The following PCBP3 variants were observed in gnomAD, a reference collection of about 807,000 sequenced individuals.
The protein encoded by PCBP3 is poly(rC) binding protein 3, also known as poly(rC)-binding protein 3.
In PCBP3, 25 loss-of-function variants were observed where a neutral mutation model predicts 52.7. The observed-to-expected ratio is 0.47, with a 90% CI of 0.35 to 0.66. The LOEUF is 0.66. Among genes scored for constraint, PCBP3 ranks in the 30% least tolerant of loss-of-function variants. PCBP3 has a pLI of 0.01. For synonymous variants in PCBP3, 162 were observed against 183.0 expected (o/e 0.89, Z 0.93); for missense variants, 391 against 490.3 (o/e 0.80, Z 1.91).
Position 45,736,632 on chromosome 21 carries a change from G to T in PCBP3, c.-162+1203G>T, listed in dbSNP as rs950228124. Among the ~76,000 whole-genome samples the T allele has an allele frequency of 1.3e-5, 2 of 152,154 alleles. No individual in the cohort carries two copies. The highest frequency in any genetic ancestry group is 4.8e-5 in the African/African-American group (2 of 41,418). The stretch of plus-strand genomic sequence containing the variant: ...GGAGAGATGGCATGGAGGGGTTGGG[G>T]CCTGTGCTCCTAGGTGCTTAGGCTT... On this transcript the variant is annotated intron_variant, in intron 3 of 17. Coordinates refer to ENST00000681687, the MANE Select transcript of PCBP3 (RefSeq NM_001384156.1). This position sits in a 1 kb window ranked among gnomAD's most constrained non-coding sequence, Gnocchi z 4.6.
At chr21:45,940,450 A>G (rs947753913) in intron 17 of PCBP3, among the ~76,000 whole-genome samples, 1 of 152,218 alleles carries the variant, frequency 6.6e-6, no homozygotes, top group Non-Finnish European at 1.5e-5. Flanking sequence ...CCCGGAGGCT[A>G]GAGAGGAAGG....
At chr21:45,767,840 C>T (rs1334441934) in intron 4 of PCBP3, among the ~76,000 whole-genome samples, 1 of 152,258 alleles carries the variant, frequency 6.6e-6, no homozygotes, top group Non-Finnish European at 1.5e-5. Flanking sequence ...CACTGACAGG[C>T]TCTCAGAGAG....
chr21:45,685,235 G>A (rs951698036), intron 2 of PCBP3, among the ~76,000 whole-genome samples: 1 of 152,174 alleles, frequency 6.6e-6, no homozygotes, highest in Admixed American at 6.5e-5. Context: ...GGGTTTTAAA[G>A]GTTGTGGGGA....
At chr21:45,688,336 C>T (rs1374219551) in intron 2 of PCBP3, among the ~76,000 whole-genome samples, 1 of 152,062 alleles carries the variant, frequency 6.6e-6, no homozygotes, top group Admixed American at 6.5e-5. Flanking sequence ...TTCTGACTAC[C>T]ACAAAATTAA....
At chr21:45,811,708 AT>A (rs1349102325) in intron 4 of PCBP3, among the ~76,000 whole-genome samples, 2 of 152,068 alleles carry the variant, frequency 1.3e-5, no homozygotes, top group African/African-American at 4.8e-5. Context: ...TGCATGCCAT[AT>A]TTTTTCTCAT....
At chr21:45,900,071 G>T (rs893755863) in intron 7 of PCBP3, among the ~76,000 whole-genome samples, 3 of 152,232 alleles carry the variant, frequency 2.0e-5, no homozygotes, top group African/African-American at 4.8e-5. Flanking sequence ...TGCCCCGGGA[G>T]GCCGAGCAGT....
chr21:45,723,170 G>T (rs906788429), intron 2 of PCBP3, among the ~76,000 whole-genome samples: 1 of 152,144 alleles, frequency 6.6e-6, no homozygotes, highest in Admixed American at 6.5e-5. Flanking sequence ...CAGAGAGCTG[G>T]CATGTGTTTG....
chr21:45,850,262 G>A (rs1455213460), intron 5 of PCBP3, among the ~76,000 whole-genome samples, 167 bp downstream of exon 5: 2 of 152,178 alleles, frequency 1.3e-5, no homozygotes, highest in Non-Finnish European at 2.9e-5. Flanking sequence ...TATGACTTTG[G>A]GAAATTGGGG....
chr21:45,907,827 C>T (rs1251429626), intron 9 of PCBP3, among the ~76,000 whole-genome samples: 14 of 138,484 alleles, frequency 1.0e-4, no homozygotes, highest in Admixed American at 3.1e-4. Flanking sequence ...GAGGTAGAGT[C>T]GATGGAGGAG....
intron 5 of PCBP3, among the ~76,000 whole-genome samples, chr21:45,892,223 T>A (rs1463273580): frequency 6.6e-6 from 1 of 152,120 alleles, no homozygotes; most frequent in African/African-American, 2.4e-5. Context: ...CAGGGAAGGG[T>A]GCATTTAACC....
rs543100286 is a variant in PCBP3 at position 45,864,145 on chromosome 21, C to A, written c.10+14050C>A. On this transcript the variant is annotated intron_variant, in intron 5 of 17. Coordinates refer to ENST00000681687, the MANE Select transcript of PCBP3 (RefSeq NM_001384156.1). Reference sequence around the variant, plus strand: ...TATGGGAGTGTGACTCTCACCTGTGCAAACACTGGTCACCCTTGTGGGGCC... The same window carrying A: ...TATGGGAGTGTGACTCTCACCTGTGAAAACACTGGTCACCCTTGTGGGGCC... Among the ~76,000 whole-genome samples, 56 of 152,312 alleles carry A rather than the reference C, an allele frequency of 3.7e-4. 1 individual carries two copies. The South Asian group carries it at 0.012, about 32-fold the overall frequency.
chr21:45,728,094 A>G (rs1185868430), intron 2 of PCBP3, among the ~76,000 whole-genome samples: 2 of 152,166 alleles, frequency 1.3e-5, no homozygotes, highest in Non-Finnish European at 2.9e-5. Flanking sequence ...GGTTGCACTG[A>G]ATTGATAGAT....
At chr21:45,806,004 TAG>T (rs1278792641) in intron 4 of PCBP3, among the ~76,000 whole-genome samples, 2 of 152,194 alleles carry the variant, frequency 1.3e-5, no homozygotes, top group African/African-American at 4.8e-5. Context: ...GTCTCAGCAT[TAG>T]AGAGGGCGGT....
chr21:45,756,626 C>T (rs559715208), intron 4 of PCBP3, among the ~76,000 whole-genome samples: 11 of 152,198 alleles, frequency 7.2e-5, no homozygotes, highest in African/African-American at 2.2e-4. Flanking sequence ...TATTCGCTAG[C>T]GTGTACAGCC....
intron 3 of PCBP3, among the ~76,000 whole-genome samples, chr21:45,745,896 A>G (rs945314345): frequency 6.6e-6 from 1 of 151,930 alleles, no homozygotes; most frequent in Non-Finnish European, 1.5e-5. Context: ...ACAGCGCCAC[A>G]CGGTGTTGTG....
At chr21:45,654,134 GTAT>G (rs1471370027) in intron 1 of PCBP3, among the ~76,000 whole-genome samples, 1 of 151,972 alleles carries the variant, frequency 6.6e-6, no homozygotes, top group Non-Finnish European at 1.5e-5. Flanking sequence ...GGTATTAATA[GTAT>G]TATTACTGGT....
At position 45,756,736 on chromosome 21, in the gene PCBP3, T is replaced by G. The variant is rs566347290; in HGVS notation, c.-126+1284T>G. ...TATGGATTTGCCTACTCTGAAGTTT[T>G]GTATTAATGGAATCATACAACATGT... On this transcript the variant is annotated intron_variant, in intron 4 of 17. Coordinates refer to ENST00000681687, the MANE Select transcript of PCBP3 (RefSeq NM_001384156.1). 7.2e-5 allele frequency among the ~76,000 whole-genome samples: 11 copies of G among 152,348 alleles called. No individual in the cohort carries two copies. The East Asian group carries it at 2.1e-3, about 29-fold the overall frequency.
intron 3 of PCBP3, among the ~76,000 whole-genome samples, chr21:45,753,468 G>A (rs1419627636): frequency 2.0e-5 from 3 of 151,838 alleles, no homozygotes; most frequent in Non-Finnish European, 2.9e-5. Flanking sequence ...TTTAAAATGG[G>A]ATGTAATGGA....
rs1603495146 is a variant in PCBP3, at chr21:45,910,835, C to G, written c.472-67C>G. 3 of 1,502,546 alleles carry G rather than the reference C, an allele frequency of 2.0e-6. No homozygotes were observed. In the East Asian group the frequency reaches 6.9e-5, roughly 34 times the overall value. 93.1% of individuals were successfully genotyped at this position (1,502,546 alleles called of 1,614,324 possible). A position where few individuals can be genotyped will look rare whatever the true frequency, so the allele number is the denominator to read the frequency against. ...CCCCGAGCTGCCTTGGGTGCCGAGACTCGGGAGGTACTGCTGCCCCATGCG... is the reference window on the plus strand; with the variant it reads ...CCCCGAGCTGCCTTGGGTGCCGAGAGTCGGGAGGTACTGCTGCCCCATGCG... On this transcript the variant is annotated intron_variant, in intron 10 of 17. Transcript: ENST00000681687.
Sources: allele counts gnomAD v4.1 joint callset (sites outside exome capture counted in the v4.1 genomes callset), GRCh38; gene constraint gnomAD v4.1.1; non-coding constraint Gnocchi (gnomAD v3.1); transcripts MANE v1.5; gene names NCBI Gene and HGNC (gene_info 2026-07-23, HGNC 2026-07-21).